IGF1R: variants seen among roughly 807,000 people sequenced by gnomAD.
IGF1R encodes insulin like growth factor 1 receptor.
A neutral mutation model predicts 144.6 loss-of-function variants in IGF1R; 44 were observed. The ratio of observed to expected loss-of-function variants is 0.30; its 90% CI spans 0.24 to 0.39. The LOEUF is 0.39. Ranked by LOEUF, IGF1R falls within the 10% of genes least tolerant of loss-of-function variation. IGF1R has a pLI of 1.00. For missense variants in IGF1R, 1,355 were observed against 1,833.7 expected, an observed-to-expected ratio of 0.74 and a Z score of 4.77; for synonymous variants, 795 against 722.8, an observed-to-expected ratio of 1.10 and a Z score of -1.60.
intron 2 of IGF1R, among the ~76,000 whole-genome samples, chr15:98,810,554 CTT>C (rs1289249437): frequency 9.4e-5 from 13 of 138,674 alleles, no homozygotes; most frequent in Non-Finnish European, 7.9e-5. Flanking sequence ...CTTTTCTTTT[CTT>C]TTTTTTTTTT....
At chr15:98,666,095 T>C (rs914408704) in intron 1 of IGF1R, among the ~76,000 whole-genome samples, 1 of 152,162 alleles carries the variant, frequency 6.6e-6, no homozygotes, top group African/African-American at 2.4e-5. Flanking sequence ...ACTTACTACT[T>C]GAGGCAAATA....
intron 2 of IGF1R, among the ~76,000 whole-genome samples, chr15:98,782,661 G>C (rs1034630035): frequency 6.6e-6 from 1 of 152,234 alleles, no homozygotes; most frequent in Non-Finnish European, 1.5e-5. Flanking sequence ...CTCCAAATTA[G>C]TCATTTAGTT....
In IGF1R at chr15:98,939,282, A is replaced by C. The variant is rs1341344717; in HGVS notation, c.3379A>C (p.Asn1127His). ...GATTGCAGACGGCATGGCATACCTC[A>C]ACGCCAATAAGTTCGTCCACAGAGA... ...GEIADGMAYL[N>H]ANKFVHRDLA... Residue 1127 changes from asparagine (N) to histidine (H), a missense_variant, in exon 18 of 21, where the codon AAC becomes CAC. Physicochemically the swap from Asn to His is moderately conservative, Grantham distance 68. Around this residue, in one of 7 missense-constraint regions of IGF1R, gnomAD observed 77 missense variants for 163.2 expected, o/e 0.47. Transcript: ENST00000650285. 6.2e-7 allele frequency: 1 copy of C among 1,613,838 alleles called. No individual in the cohort carries two copies. Among genetic ancestry groups the C allele is most frequent in the Admixed American group, 1.7e-5 (1 of 60,026 alleles).
At chr15:98,943,121 C>G in intron 19 of IGF1R, 69 bp downstream of exon 19, 5 of 1,554,344 alleles carry the variant, frequency 3.2e-6, no homozygotes, top group African/African-American at 1.4e-5. Context: ...AGCTCAGTCT[C>G]TAGGGCTTTA....
intron 15 of IGF1R, among the ~76,000 whole-genome samples, chr15:98,931,192 C>G (rs1022228750): frequency 1.3e-5 from 2 of 152,096 alleles, no homozygotes; most frequent in Admixed American, 6.6e-5. Flanking sequence ...TGAGGTCCCC[C>G]GGGCAGGCAA....
intron 2 of IGF1R, among the ~76,000 whole-genome samples, chr15:98,851,108 T>C (rs894593699): frequency 6.6e-6 from 1 of 152,102 alleles, no homozygotes; most frequent in Non-Finnish European, 1.5e-5. Flanking sequence ...CAGTGGCCTC[T>C]CCCGGGCAGG....
chr15:98,902,303 A>G (rs2014520829), intron 5 of IGF1R, among the ~76,000 whole-genome samples: 1 of 152,046 alleles, frequency 6.6e-6, no homozygotes. Flanking sequence ...CCATGTGCAT[A>G]TCACAAAGCA....
At chr15:98,777,477 C>T (rs1335305607) in intron 2 of IGF1R, among the ~76,000 whole-genome samples, 1 of 152,224 alleles carries the variant, frequency 6.6e-6, no homozygotes, top group Non-Finnish European at 1.5e-5. Context: ...ACACAGTCTG[C>T]TCACCGACCT....
At chr15:98,696,128 G>C (rs1418509217) in intron 1 of IGF1R, among the ~76,000 whole-genome samples, 1 of 147,852 alleles carries the variant, frequency 6.8e-6, no homozygotes. Context: ...CTACATTTGT[G>C]CATTTCTTTT....
At chr15:98,772,712 A>G (rs944878442) in intron 2 of IGF1R, among the ~76,000 whole-genome samples, 1 of 151,410 alleles carries the variant, frequency 6.6e-6, no homozygotes. Context: ...GATTATAGGC[A>G]CTAGCCACTG....
rs1157438489 is a variant in IGF1R, at chr15:98,939,289, A to G, written c.3386A>G (p.Asn1129Ser). Reference sequence around the variant, plus strand: ...GACGGCATGGCATACCTCAACGCCAATAAGTTCGTCCACAGAGACCTTGCT... The same window carrying G: ...GACGGCATGGCATACCTCAACGCCAGTAAGTTCGTCCACAGAGACCTTGCT... ...IADGMAYLNA[N>S]KFVHRDLAAR... Residue 1129 changes from asparagine to serine, a missense_variant, in exon 18 of 21, where the codon AAT becomes AGT. Around this residue, in one of 7 missense-constraint regions of IGF1R, gnomAD observed 77 missense variants for 163.2 expected, o/e 0.47. Transcript: ENST00000650285. 5.6e-6 allele frequency: 9 copies of G among 1,614,050 alleles called. No individual in the cohort carries two copies. Among genetic ancestry groups the G allele is most frequent in the African/African-American group, 1.3e-5 (1 of 74,920 alleles).
intron 2 of IGF1R, among the ~76,000 whole-genome samples, chr15:98,823,415 T>A (rs377207703): frequency 2.0e-5 from 3 of 152,192 alleles, no homozygotes; most frequent in South Asian, 2.1e-4. Context: ...CCACCACCAA[T>A]CAGCAGCAGA....
chr15:98,924,062 A>T (rs748384980), intron 12 of IGF1R, 50 bp downstream of exon 12: 5 of 1,558,842 alleles, frequency 3.2e-6, no homozygotes, highest in Non-Finnish European at 4.4e-6. Context: ...ATCCATTGAC[A>T]GCATATGCTA....
intron 18 of IGF1R, among the ~76,000 whole-genome samples, chr15:98,942,666 C>G (rs925994435): frequency 2.0e-5 from 3 of 152,200 alleles, no homozygotes; most frequent in African/African-American, 7.2e-5. Flanking sequence ...GCAATAAGGG[C>G]ATTAACTTCC....
At chr15:98,908,529 G>C (rs987621417) in intron 5 of IGF1R, among the ~76,000 whole-genome samples, 156 bp from the exon 6 acceptor site, 1 of 152,214 alleles carries the variant, frequency 6.6e-6, no homozygotes, top group Non-Finnish European at 1.5e-5. Flanking sequence ...AACAGCAACT[G>C]TCTGTTCTCC....
At chr15:98,650,762 G>C (rs1196518363) in intron 1 of IGF1R, 1 of 362,234 alleles carries the variant, frequency 2.8e-6, no homozygotes, top group Non-Finnish European at 3.8e-6. Context: ...TGTTGTGGTC[G>C]GCGTCGTGTC....
intron 1 of IGF1R, among the ~76,000 whole-genome samples, chr15:98,676,152 T>C (rs942706819): frequency 4.0e-5 from 6 of 151,870 alleles, no homozygotes; most frequent in African/African-American, 1.5e-4. Context: ...TTTATTAGTG[T>C]TTTTTGTAGA....
At chr15:98,844,673 C>T (rs1170232262) in intron 2 of IGF1R, among the ~76,000 whole-genome samples, 1 of 151,752 alleles carries the variant, frequency 6.6e-6, no homozygotes, top group African/African-American at 2.4e-5. Flanking sequence ...ATAATTATTA[C>T]AATTTGATTT....
chr15:98,859,861 G>A (rs1055378724), intron 2 of IGF1R, among the ~76,000 whole-genome samples: 3 of 152,170 alleles, frequency 2.0e-5, no homozygotes, highest in Non-Finnish European at 2.9e-5. Context: ...GTATATTTTT[G>A]TGCAGCCAAA....
Sources: allele counts gnomAD v4.1 joint callset (sites outside exome capture counted in the v4.1 genomes callset), GRCh38; gene constraint gnomAD v4.1.1; regional missense constraint gnomAD v4.1.1; transcripts MANE v1.5; gene names NCBI Gene and HGNC (gene_info 2026-07-23, HGNC 2026-07-21).